Variants in ELP4 observed in about 807,000 individuals in gnomAD.
ELP4 encodes elongator complex protein 4.
Under a neutral mutation model 48.9 loss-of-function variants are expected in ELP4, and 51 were observed. That is an observed-to-expected ratio of 1.04 (90% CI 0.83 to 1.32). The LOEUF (loss-of-function observed/expected upper bound fraction) is 1.32. Among genes scored for constraint, ELP4 ranks in the 40% most tolerant of loss-of-function variants. ELP4 has a pLI of 0.00. For synonymous variants in ELP4, 210 were observed against 189.2 expected, an observed-to-expected ratio of 1.11 and a Z score of -0.90; for missense variants, 519 against 514.6, an observed-to-expected ratio of 1.01 and a Z score of -0.08.
chr11:31,519,110 C>T (rs1278403842), intron 1 of ELP4, among the ~76,000 whole-genome samples: 3 of 151,950 alleles, frequency 2.0e-5, no homozygotes, highest in African/African-American at 4.8e-5. Flanking sequence ...CCACTGTGCC[C>T]GGCCTAATTC....
Position 31,514,530 on chromosome 11 carries a change from G to T in ELP4, c.223+4523G>T, listed in dbSNP as rs189840485. Among the ~76,000 whole-genome samples the T allele has an allele frequency of 4.9e-3, 750 of 152,240 alleles. 2 individuals are homozygous for T. Among genetic ancestry groups the T allele is most frequent in the Middle Eastern group, 0.014 (4 of 294 alleles). ...AATTTTTCTAAGTTAGGATGAAAGGGGAGAGGAAATAGTAAACAAGGCCGT... is the reference window on the plus strand; with the variant it reads ...AATTTTTCTAAGTTAGGATGAAAGGTGAGAGGAAATAGTAAACAAGGCCGT... On this transcript the variant is annotated intron_variant, in intron 1 of 9. Transcript: ENST00000640961.
Position 31,700,756 on chromosome 11 carries a change from A to G in ELP4, c.1143+50535A>G, listed in dbSNP as rs755271190. On this transcript the variant is annotated intron_variant, in intron 9 of 9. Transcript: ENST00000640961. ...CAAAAATTTCCCTTAGAGCTGCATC[A>G]TTAGATTCACCAAGAGGGCATGTTC... 2.6e-5 allele frequency among the ~76,000 whole-genome samples: 4 copies of G among 152,164 alleles called. No homozygotes were observed. The South Asian group carries it at 6.2e-4, about 24-fold the overall frequency.
intron 3 of ELP4, among the ~76,000 whole-genome samples, chr11:31,547,484 G>A (rs1301096885): frequency 6.6e-6 from 1 of 152,148 alleles, no homozygotes; most frequent in Non-Finnish European, 1.5e-5. Context: ...TGAAATTGTG[G>A]CAATAATCAA....
chr11:31,563,444 G>A (rs1231548174), intron 3 of ELP4, among the ~76,000 whole-genome samples: 1 of 152,060 alleles, frequency 6.6e-6, no homozygotes, highest in African/African-American at 2.4e-5. Context: ...ATAGCAGTAA[G>A]AACAGAAAGA....
chr11:31,522,198 T>G (rs1038730576), intron 2 of ELP4, among the ~76,000 whole-genome samples: 2 of 152,216 alleles, frequency 1.3e-5, no homozygotes, highest in Non-Finnish European at 2.9e-5. Flanking sequence ...AGTTACATTT[T>G]TAAGACTATA....
chr11:31,674,799 T>C lies in ELP4; in HGVS notation c.1143+24578T>C, dbSNP rs140188537. Among the ~76,000 whole-genome samples the C allele has an allele frequency of 3.8e-3, 579 of 152,328 alleles. 5 individuals carry two copies. Among genetic ancestry groups the C allele is most frequent in the African/African-American group, 0.013 (522 of 41,570 alleles). On this transcript the variant is annotated intron_variant, in intron 9 of 9. Transcript: ENST00000640961. Reference sequence around the variant, plus strand: ...AAGGCACTCATAAAATTAAACTTATTCAAGCTCAGGATTTCTGAAAGAATT... The same window carrying C: ...AAGGCACTCATAAAATTAAACTTATCCAAGCTCAGGATTTCTGAAAGAATT...
intron 8 of ELP4, chr11:31,649,266 T>C (rs911003202): frequency 2.0e-5 from 3 of 151,694 alleles, no homozygotes; most frequent in African/African-American, 7.3e-5. Flanking sequence ...TTCAAATCTG[T>C]AATTTGCCTT....
At chr11:31,728,258 A>G (rs1217233801) in intron 9 of ELP4, among the ~76,000 whole-genome samples, 1 of 152,156 alleles carries the variant, frequency 6.6e-6, no homozygotes, top group African/African-American at 2.4e-5. Flanking sequence ...TTTCTTGTAT[A>G]CATATAGTAT....
chr11:31,750,367 T>C (rs1279778339), intron 9 of ELP4, among the ~76,000 whole-genome samples: 2 of 152,102 alleles, frequency 1.3e-5, no homozygotes, highest in Non-Finnish European at 2.9e-5. Flanking sequence ...CTTGAGGTTT[T>C]TCAGAACAAT....
chr11:31,599,523 A>ACACACACAC (rs754782360), intron 4 of ELP4: 1 of 14,660 alleles, frequency 6.8e-5, no homozygotes, highest in Admixed American at 3.9e-4. Flanking sequence ...ACACACACAC[A>ACACACACAC]AAAAAAAAAA....
intron 3 of ELP4, among the ~76,000 whole-genome samples, chr11:31,543,513 G>A (rs761995714): frequency 1.3e-5 from 2 of 152,018 alleles, no homozygotes; most frequent in Non-Finnish European, 2.9e-5. Flanking sequence ...TAGAGACGGG[G>A]TTTCACCGTG....
chr11:31,578,070 T>G (rs1957317900), intron 3 of ELP4, among the ~76,000 whole-genome samples: 1 of 152,230 alleles, frequency 6.6e-6, no homozygotes, highest in African/African-American at 2.4e-5. Flanking sequence ...CAAAATCTCC[T>G]TAAGCTGATA....
chr11:31,666,467 G>A (rs577727104), intron 9 of ELP4, among the ~76,000 whole-genome samples: 9 of 152,238 alleles, frequency 5.9e-5, no homozygotes, highest in Non-Finnish European at 1.3e-4. Flanking sequence ...GCCAAGGTGG[G>A]TGGATCATGA....
At chr11:31,653,436 A>AT (rs1041653097) in intron 9 of ELP4, 4 of 151,796 alleles carry the variant, frequency 2.6e-5, no homozygotes, top group Admixed American at 6.6e-5. Context: ...CCTAACCTCC[A>AT]TTTAATCATA....
chr11:31,729,231 T>C (rs1471020855), intron 9 of ELP4, among the ~76,000 whole-genome samples: 1 of 152,210 alleles, frequency 6.6e-6, no homozygotes, highest in Non-Finnish European at 1.5e-5. Context: ...GGATGTCTAC[T>C]GTAAGTTATA....
rs1371326712 is a variant in ELP4 at position 31,515,353 on chromosome 11, A to G, written c.224-4703A>G. ...TTTCTAAACATTAGAATTTTAATAC[A>G]CATAAGATTTTTTAGGTTATGTGGT... On this transcript the variant is annotated intron_variant, in intron 1 of 9. Coordinates refer to ENST00000640961, the MANE Select transcript of ELP4 (RefSeq NM_019040.5). Among the ~76,000 whole-genome samples the G allele has an allele frequency of 5.9e-5, 9 of 152,294 alleles. No homozygotes were observed. The East Asian group carries it at 1.7e-3, about 29-fold the overall frequency.
At chr11:31,781,405 C>T (rs550778156) in intron 9 of ELP4, among the ~76,000 whole-genome samples, 1 of 151,374 alleles carries the variant, frequency 6.6e-6, no homozygotes, top group East Asian at 1.9e-4. Context: ...TGCTTCCTCA[C>T]GTGGACACTG....
intron 9 of ELP4, among the ~76,000 whole-genome samples, chr11:31,700,313 G>A (rs1206898459): frequency 1.3e-5 from 2 of 152,010 alleles, no homozygotes; most frequent in East Asian, 1.9e-4. Flanking sequence ...TTTTGTTCTG[G>A]CATACTTTTC....
intron 3 of ELP4, among the ~76,000 whole-genome samples, chr11:31,548,248 G>C (rs1383043586): frequency 2.0e-5 from 3 of 152,150 alleles, no homozygotes; most frequent in African/African-American, 7.2e-5. Flanking sequence ...CATTGTCTCA[G>C]CCCAAAATCT....
Sources: allele counts gnomAD v4.1 joint callset (sites outside exome capture counted in the v4.1 genomes callset), GRCh38; gene constraint gnomAD v4.1.1; transcripts MANE v1.5; gene names NCBI Gene and HGNC (gene_info 2026-07-23, HGNC 2026-07-21).